The following FHIT variants were observed in gnomAD, a reference collection of about 807,000 sequenced individuals.
FHIT encodes bis(5'-adenosyl)-triphosphatase.
In FHIT, 19 loss-of-function variants were observed where a neutral mutation model predicts 17.9. The ratio of observed to expected loss-of-function variants is 1.06; its 90% CI spans 0.74 to 1.56. The LOEUF (loss-of-function observed/expected upper bound fraction) is 1.56. FHIT is among the 40% of genes most tolerant of loss of function. The pLI, the probability that FHIT is intolerant of heterozygous loss-of-function variation, is 0.00. For synonymous variants in FHIT, 81 were observed against 69.7 expected, an observed-to-expected ratio of 1.16 and a Z score of -0.81; for missense variants, 248 against 189.2, an observed-to-expected ratio of 1.31 and a Z score of -1.82.
chr3:60,145,507 C>G (rs886642188), intron 5 of FHIT, among the ~76,000 whole-genome samples: 6 of 152,118 alleles, frequency 3.9e-5, no homozygotes, highest in Non-Finnish European at 8.8e-5. Flanking sequence ...AAAAACAGAC[C>G]TGTGGGACTG....
At chr3:60,140,570 ACT>A (rs1358491901) in intron 5 of FHIT, among the ~76,000 whole-genome samples, 11 of 130,540 alleles carry the variant, frequency 8.4e-5, no homozygotes, top group Non-Finnish European at 1.5e-4. Context: ...AAAGACACAG[ACT>A]CTATTTTTTT....
intron 1 of FHIT, among the ~76,000 whole-genome samples, chr3:61,224,018 T>C (rs375603305): frequency 6.6e-6 from 1 of 152,278 alleles, no homozygotes; most frequent in South Asian, 2.1e-4. Context: ...GGTGAAATAG[T>C]ATGTATTTAC....
At chr3:60,823,304 C>T (rs1490261491) in intron 3 of FHIT, among the ~76,000 whole-genome samples, 1 of 152,110 alleles carries the variant, frequency 6.6e-6, no homozygotes, top group African/African-American at 2.4e-5. Context: ...GTTCCCCCAA[C>T]CCCTCCCCAT....
intron 5 of FHIT, among the ~76,000 whole-genome samples, chr3:60,139,769 T>C (rs1699959239): frequency 6.7e-6 from 1 of 149,970 alleles, no homozygotes; most frequent in Non-Finnish European, 1.5e-5. Flanking sequence ...CTATCAATCA[T>C]CTACTTAAAA....
chr3:60,771,005 T>C (rs1700024802), intron 4 of FHIT, among the ~76,000 whole-genome samples: 1 of 152,240 alleles, frequency 6.6e-6, no homozygotes, highest in South Asian at 2.1e-4. Flanking sequence ...GAAAGTCTAA[T>C]CTAGCAATAT....
At chr3:60,715,093 A>C (rs2041647131) in intron 4 of FHIT, among the ~76,000 whole-genome samples, 1 of 152,134 alleles carries the variant, frequency 6.6e-6, no homozygotes, top group Non-Finnish European at 1.5e-5. Flanking sequence ...AGAGATATAG[A>C]TCAATGGAAC....
At chr3:60,043,058 C>A (rs13081934) in intron 5 of FHIT, among the ~76,000 whole-genome samples, 1 of 151,990 alleles carries the variant, frequency 6.6e-6, no homozygotes, top group Non-Finnish European at 1.5e-5. Flanking sequence ...CCTTTTCAAC[C>A]TGGGGGAAAG....
intron 5 of FHIT, among the ~76,000 whole-genome samples, chr3:60,157,698 CCAT>C (rs1455308961): frequency 2.0e-5 from 3 of 152,118 alleles, no homozygotes; most frequent in African/African-American, 7.2e-5. Context: ...GTGAATAAGT[CCAT>C]CATCTTCTCC....
At chr3:60,112,772 C>T (rs1704733423) in intron 5 of FHIT, among the ~76,000 whole-genome samples, 1 of 152,180 alleles carries the variant, frequency 6.6e-6, no homozygotes, top group Non-Finnish European at 1.5e-5. Context: ...TGAGTCTTTA[C>T]ATAGGAGCAT....
At chr3:60,381,426 C>A in intron 5 of FHIT, among the ~76,000 whole-genome samples, 1 of 150,808 alleles carries the variant, frequency 6.6e-6, no homozygotes, top group African/African-American at 2.4e-5. Flanking sequence ...TGCAATGAGC[C>A]GAGACCGTGC....
intron 5 of FHIT, among the ~76,000 whole-genome samples, chr3:60,179,261 C>A (rs73097582): frequency 6.6e-6 from 1 of 152,128 alleles, no homozygotes; most frequent in African/African-American, 2.4e-5. Flanking sequence ...AGATGCCACA[C>A]AGCCCACTCA....
intron 5 of FHIT, among the ~76,000 whole-genome samples, chr3:60,190,277 T>C (rs1309721851): frequency 6.6e-6 from 1 of 151,876 alleles, no homozygotes; most frequent in Non-Finnish European, 1.5e-5. Flanking sequence ...ACTGCTTTTC[T>C]GAGATGGCTG....
Position 59,760,451 on chromosome 3 carries a change from C to T in FHIT, c.349-8130G>A, listed in dbSNP as rs185263309. On this transcript the variant is annotated intron_variant, in intron 8 of 9. Coordinates refer to ENST00000492590, the MANE Select transcript of FHIT (RefSeq NM_002012.4). ...GCATCATAATTTGGACCAGATATTA[C>T]TCCACTAACTACACTATGAATAGTC... Among the ~76,000 whole-genome samples, 4 of 152,230 alleles carry T rather than the reference C, an allele frequency of 2.6e-5. No individual in the cohort carries two copies. In the East Asian group the frequency reaches 7.7e-4, roughly 29 times the overall value.
intron 8 of FHIT, among the ~76,000 whole-genome samples, chr3:59,756,580 TTACCTGAAA>T (rs1208597202): frequency 6.6e-6 from 1 of 152,166 alleles, no homozygotes; most frequent in African/African-American, 2.4e-5. Context: ...GATTTGTTGT[TTACCTGAAA>T]TACAAAGTTA....
At chr3:60,491,987 C>T (rs949143200) in intron 5 of FHIT, among the ~76,000 whole-genome samples, 2 of 152,268 alleles carry the variant, frequency 1.3e-5, no homozygotes, top group East Asian at 3.9e-4. Context: ...TTTCTAACCT[C>T]GTTTATGTGA....
chr3:60,185,592 G>A lies in FHIT; in HGVS notation c.104-171440C>T, dbSNP rs185158669. On this transcript the variant is annotated intron_variant, in intron 5 of 9. Coordinates refer to ENST00000492590, the MANE Select transcript of FHIT (RefSeq NM_002012.4). ...GCTGAGACAAACATTCCAGTGCAGGGTTTTCTAATTTCATAAGTTTTCATA... is the reference window on the plus strand; with the variant it reads ...GCTGAGACAAACATTCCAGTGCAGGATTTTCTAATTTCATAAGTTTTCATA... Among the ~76,000 whole-genome samples the A allele has an allele frequency of 5.3e-5, 8 of 152,234 alleles. No individual in the cohort carries two copies. In the East Asian group the frequency reaches 9.6e-4, roughly 18 times the overall value.
At chr3:61,031,942 T>G (rs1022621105) in intron 3 of FHIT, among the ~76,000 whole-genome samples, 1 of 152,198 alleles carries the variant, frequency 6.6e-6, no homozygotes, top group Non-Finnish European at 1.5e-5. Context: ...CAAGGCATGT[T>G]GGGTCATTGG....
chr3:59,791,041 G>T (rs1267639328), intron 8 of FHIT, among the ~76,000 whole-genome samples: 1 of 152,058 alleles, frequency 6.6e-6, no homozygotes, highest in Non-Finnish European at 1.5e-5. Context: ...ACTTTGCCTG[G>T]GCTCCATTAA....
intron 4 of FHIT, among the ~76,000 whole-genome samples, chr3:60,715,489 GA>G (rs1553706510): frequency 1.3e-4 from 19 of 151,890 alleles, no homozygotes; most frequent in Non-Finnish European, 2.9e-5. Flanking sequence ...GATGAAATTG[GA>G]AATCATCATT....
Sources: allele counts gnomAD v4.1 joint callset (sites outside exome capture counted in the v4.1 genomes callset), GRCh38; gene constraint gnomAD v4.1.1; transcripts MANE v1.5; gene names NCBI Gene and HGNC (gene_info 2026-07-23, HGNC 2026-07-21).